PCDHA10: variants seen among roughly 807,000 people sequenced by gnomAD.
The protein encoded by PCDHA10 is protocadherin alpha-10.
PCDHA10 carries 45 observed loss-of-function variants against 61.2 expected under a neutral mutation model. The ratio of observed to expected loss-of-function variants is 0.74; its 90% CI spans 0.58 to 0.94. The LOEUF (loss-of-function observed/expected upper bound fraction) is 0.94, where lower values mean the gene tolerates loss of function less well. PCDHA10 is among the 40% of genes least tolerant of loss of function. The pLI is 0.00. For synonymous variants in PCDHA10, 602 were observed against 548.8 expected, an observed-to-expected ratio of 1.10 and a Z score of -1.35; for missense variants, 1,278 against 1,236.2, an observed-to-expected ratio of 1.03 and a Z score of -0.51.
At chr5:140,978,716 T>C (rs1317618418) in intron 1 of PCDHA10, among the ~76,000 whole-genome samples, 2 of 152,252 alleles carry the variant, frequency 1.3e-5, no homozygotes, top group African/African-American at 4.8e-5. Flanking sequence ...CTTTACAAGA[T>C]TATTAAATCT....
At chr5:140,889,949 A>C (rs1444545834) in intron 1 of PCDHA10, among the ~76,000 whole-genome samples, 1 of 152,202 alleles carries the variant, frequency 6.6e-6, no homozygotes. Flanking sequence ...GAGAAGCCAA[A>C]TGGATAGAAA....
intron 1 of PCDHA10, chr5:140,928,054 A>T (rs2084892451): frequency 1.2e-6 from 2 of 1,613,994 alleles, no homozygotes; most frequent in Non-Finnish European, 1.7e-6. Flanking sequence ...TTTTCAGCTG[A>T]CGGCTTCCTT....
chr5:140,913,569 A>G (rs1554195984), intron 1 of PCDHA10, among the ~76,000 whole-genome samples: 1 of 151,952 alleles, frequency 6.6e-6, no homozygotes, highest in Non-Finnish European at 1.5e-5. Flanking sequence ...TATTTTCATC[A>G]TTTCAAATAT....
intron 1 of PCDHA10, chr5:140,927,498 G>A (rs782816586): frequency 3.1e-6 from 5 of 1,614,138 alleles, no homozygotes; most frequent in Middle Eastern, 1.6e-4. Context: ...ACCTGCTGGT[G>A]CTTACAGCTC....
intron 3 of PCDHA10, among the ~76,000 whole-genome samples, chr5:140,994,758 G>A (rs150618369): frequency 1.3e-5 from 2 of 152,248 alleles, no homozygotes; most frequent in East Asian, 3.9e-4. Flanking sequence ...GATGTGGAGA[G>A]GAAGAGAATT....
intron 1 of PCDHA10, among the ~76,000 whole-genome samples, chr5:140,959,419 A>G (rs1554224077): frequency 2.0e-5 from 3 of 152,150 alleles, no homozygotes; most frequent in Non-Finnish European, 4.4e-5. Context: ...TTGATCTGAG[A>G]ATTTGTGTAT....
At chr5:140,941,215 C>CTTTCTTTCTTTCTTTG (rs2092887387) in intron 1 of PCDHA10, among the ~76,000 whole-genome samples, 2 of 104,510 alleles carry the variant, frequency 1.9e-5, no homozygotes, top group Non-Finnish European at 4.1e-5. Context: ...TTCTTTCTTC[C>CTTTCTTTCTTTCTTTG]TTTCTTTCTT....
At chr5:140,880,737 G>T (rs139077188) in intron 1 of PCDHA10, among the ~76,000 whole-genome samples, 1 of 152,304 alleles carries the variant, frequency 6.6e-6, no homozygotes, top group Non-Finnish European at 1.5e-5. Flanking sequence ...TAGAGAAAAT[G>T]GATTGTCAGT....
Position 140,858,149 on chromosome 5 carries a change from G to T in PCDHA10, c.2101G>T (p.Ala701Ser). The stretch of plus-strand genomic sequence containing the variant: ...GGATGTCAACGTGTACCTGATCATC[G>T]CCATCTGCGCGGTGTCCAGCTTGCT... Reference protein sequence around the residue: ...LVDVNVYLIIAICAVSSLLVL... With the variant: ...LVDVNVYLIISICAVSSLLVL... The change falls in exon 1 of 4, where the codon GCC becomes TCC. Residue 701 changes from alanine (A) to serine (S), a missense_variant. Physicochemically the swap from Ala to Ser is moderately conservative, Grantham distance 99. Transcript: ENST00000307360. 6.3e-7 allele frequency: 1 copy of T among 1,597,572 alleles called. No homozygotes were observed. The highest frequency in any genetic ancestry group is 8.6e-7 in the Non-Finnish European group (1 of 1,167,388).
chr5:140,953,443 A>G (rs1434216967), intron 1 of PCDHA10, among the ~76,000 whole-genome samples: 1 of 152,078 alleles, frequency 6.6e-6, no homozygotes, highest in Non-Finnish European at 1.5e-5. Flanking sequence ...TGGAGAAACT[A>G]GGGATTATCT....
intron 1 of PCDHA10, among the ~76,000 whole-genome samples, chr5:140,920,380 T>C (rs1386655132): frequency 2.0e-5 from 3 of 152,246 alleles, no homozygotes; most frequent in Non-Finnish European, 4.4e-5. Flanking sequence ...TGTGGATTCA[T>C]ATTACCATCT....
In PCDHA10 at chr5:140,934,078, G is replaced by A. The variant is rs13188437; in HGVS notation, c.2389-44871G>A. On this transcript the variant is annotated intron_variant, in intron 1 of 3. Transcript: ENST00000307360. ...GGCTAACTTTTGGTGTTTTGGGTTC[G>A]CTTTGTTGTATGTTTGCTTTCTATT... is the stretch of plus-strand genomic sequence containing the variant. 1.4e-3 allele frequency among the ~76,000 whole-genome samples: 217 copies of A among 151,620 alleles called. 1 individual carries two copies. Among genetic ancestry groups the A allele is most frequent in the African/African-American group, 4.8e-3 (200 of 41,380 alleles).
In PCDHA10 at chr5:140,856,946, G is replaced by A. The variant is rs372611675; in HGVS notation, c.898G>A (p.Glu300Lys). Residue 300 changes from glutamate (E) to lysine (K), a missense_variant, in exon 1 of 4, where the codon GAA becomes AAA. Coordinates refer to ENST00000307360, the MANE Select transcript of PCDHA10 (RefSeq NM_018901.4). ...RKFWINERTGEIKVNDAIDFE... is the reference protein window; with the variant it reads ...RKFWINERTGKIKVNDAIDFE... Reference sequence around the variant, plus strand: ...ATTTTGGATAAACGAAAGGACGGGAGAAATAAAAGTAAATGATGCTATTGA... The same window carrying A: ...ATTTTGGATAAACGAAAGGACGGGAAAAATAAAAGTAAATGATGCTATTGA... 3 of 1,593,218 alleles carry A rather than the reference G, an allele frequency of 1.9e-6. No homozygotes were observed. Among genetic ancestry groups the A allele is most frequent in the East Asian group, 2.2e-5 (1 of 44,868 alleles).
chr5:140,870,852 G>A lies in PCDHA10; in HGVS notation c.2388+12416G>A, dbSNP rs782301779. 4.3e-6 allele frequency: 7 copies of A among 1,613,862 alleles called. No individual in the cohort carries two copies. In the Admixed American group the frequency reaches 1.0e-4, roughly 23 times the overall value. ...CAGTTAACAAGCTAGTACCGCGGTCGGTGGGTGCGGGCCACGTGGTGGCGA... is the reference window on the plus strand; with the variant it reads ...CAGTTAACAAGCTAGTACCGCGGTCAGTGGGTGCGGGCCACGTGGTGGCGA... On this transcript the variant is annotated intron_variant, in intron 1 of 3. Transcript: ENST00000307360.
chr5:140,966,452 C>T, intron 1 of PCDHA10: 1 of 425,890 alleles, frequency 2.3e-6, no homozygotes, highest in South Asian at 9.0e-5. Flanking sequence ...TTTCCCCCTC[C>T]CCCTCTGTCT....
intron 3 of PCDHA10, chr5:140,989,054 A>G (rs1481333744): frequency 6.6e-6 from 1 of 152,214 alleles, no homozygotes; most frequent in African/African-American, 2.4e-5. Flanking sequence ...TGCCAGCTAC[A>G]TTGAGGCAAT....
chr5:140,920,029 T>G (rs1584162393), intron 1 of PCDHA10, among the ~76,000 whole-genome samples: 1 of 152,118 alleles, frequency 6.6e-6, no homozygotes, highest in African/African-American at 2.4e-5. Flanking sequence ...GAGACAGAGA[T>G]TGGAGTGATG....
intron 1 of PCDHA10, among the ~76,000 whole-genome samples, chr5:140,953,003 A>G (rs2094831963): frequency 6.6e-6 from 1 of 152,190 alleles, no homozygotes; most frequent in Non-Finnish European, 1.5e-5. Context: ...CTCTCTCACT[A>G]TTATGAGAAC....
intron 1 of PCDHA10, among the ~76,000 whole-genome samples, chr5:140,941,077 G>C (rs2092726978): frequency 6.6e-6 from 1 of 152,068 alleles, no homozygotes; most frequent in South Asian, 2.1e-4. Context: ...CTGGAGAGTA[G>C]GTGGGTTTAG....
Sources: allele counts gnomAD v4.1 joint callset (sites outside exome capture counted in the v4.1 genomes callset), GRCh38; gene constraint gnomAD v4.1.1; transcripts MANE v1.5; gene names NCBI Gene and HGNC (gene_info 2026-07-23, HGNC 2026-07-21).